The following FBP2 variants were observed in gnomAD, a reference collection of about 807,000 sequenced individuals.
FBP2 encodes fructose-1,6-bisphosphatase isozyme 2.
A neutral mutation model predicts 31.6 loss-of-function variants in FBP2; 27 were observed. The observed-to-expected ratio is 0.85, with a 90% confidence interval of 0.63 to 1.18. FBP2 has a LOEUF of 1.18. FBP2 is among the 50% of genes most tolerant of loss of function. The pLI is 0.00. For missense variants in FBP2, 421 were observed against 436.1 expected, an observed-to-expected ratio of 0.97 and a Z score of 0.31; for synonymous variants, 168 against 179.8, an observed-to-expected ratio of 0.93 and a Z score of 0.53.
At chr9:94,593,252 C>T (rs2131464266) in intron 1 of FBP2, among the ~76,000 whole-genome samples, 1 of 152,320 alleles carries the variant, frequency 6.6e-6, no homozygotes, top group African/African-American at 2.4e-5. Context: ...TCTCTCTGTG[C>T]AAGTACAAGT....
At chr9:94,570,802 C>G (rs1827260411) in intron 4 of FBP2, 1 of 152,206 alleles carries the variant, frequency 6.6e-6, no homozygotes, top group East Asian at 1.9e-4. Flanking sequence ...ACCCCTCTCT[C>G]CACACATGTG....
At position 94,560,564 on chromosome 9, in the gene FBP2, T is replaced by C. The variant is rs1364329166; in HGVS notation, c.826-1432A>G. 2.0e-5 allele frequency among the ~76,000 whole-genome samples: 3 copies of C among 152,080 alleles called. No individual in the cohort carries two copies. The East Asian group carries it at 5.8e-4, about 29-fold the overall frequency. On this transcript the variant is annotated intron_variant, in intron 6 of 6. Transcript: ENST00000375337. ...CAAAAGTTCATTCTCCATTATCACC[T>C]TACGAAATGGTTGACCCAGCTATGT...
At chr9:94,571,665 G>A in intron 3 of FBP2, 63 bp from the exon 4 acceptor site, 1 of 1,465,482 alleles carries the variant, frequency 6.8e-7, no homozygotes, top group Non-Finnish European at 9.2e-7. Context: ...ACTTTGCCAG[G>A]GGCCTGGGCT....
Position 94,567,519 on chromosome 9 carries a change from G to T in FBP2, c.568-112C>A, listed in dbSNP as rs1234620929. The T allele has an allele frequency of 3.0e-6, 4 of 1,327,868 alleles. No homozygotes were observed. The African/African-American group carries it at 4.4e-5, about 15-fold the overall frequency. 82.3% of individuals were successfully genotyped at this position (1,327,868 alleles called of 1,614,324 possible). On this transcript the variant is annotated intron_variant, in intron 4 of 6. Transcript: ENST00000375337. ...ATGGGGGCCTGCTGGCAGAGCTGGG[G>T]CTTGGCTGTGGTCACTCTGAACCTG... is the stretch of plus-strand genomic sequence containing the variant.
rs1401441072 is a variant in FBP2 at position 94,586,470 on chromosome 9, A to G, written c.333+837T>C. Among the ~76,000 whole-genome samples the G allele has an allele frequency of 4.6e-5, 7 of 152,224 alleles. No homozygotes were observed. The East Asian group carries it at 1.3e-3, about 29-fold the overall frequency. ...ATGTGGCTTAGGCCAATAGGAGAAG[A>G]CAATGGTAGATCAGACTGGAGAGAG... On this transcript the variant is annotated intron_variant, in intron 2 of 6. Transcript: ENST00000375337.
chr9:94,593,570 C>CACA lies in FBP2; in HGVS notation c.156_157insTGT (p.Ala52_Gly53insCys), dbSNP rs1827524443. The CACA allele has an allele frequency of 6.2e-7, 1 of 1,613,352 alleles. No homozygotes were observed. Among genetic ancestry groups the CACA allele is most frequent in the African/African-American group, 1.3e-5 (1 of 74,896 alleles). On this transcript the variant is annotated inframe_insertion, in exon 1 of 7. Coordinates refer to ENST00000375337, the MANE Select transcript of FBP2 (RefSeq NM_003837.4). ...CCCAGGACTCACAGGTGGGCCAGACCGGCCTTGCGCACAGCCGAGGAGATG... is the reference window on the plus strand; with the variant it reads ...CCCAGGACTCACAGGTGGGCCAGACCACAGGCCTTGCGCACAGCCGAGGAGATG...
chr9:94,585,267 T>A (rs616451), intron 2 of FBP2, among the ~76,000 whole-genome samples: 114,631 of 151,864 alleles, frequency 0.75, 43,546 homozygotes, highest in Non-Finnish European at 0.79. Flanking sequence ...TCCAATTTTT[T>A]AAAAAAAAAT....
chr9:94,572,476 C>G (rs1827279883), intron 3 of FBP2, among the ~76,000 whole-genome samples: 1 of 152,184 alleles, frequency 6.6e-6, no homozygotes, highest in South Asian at 2.1e-4. Context: ...CCCGAATGTT[C>G]TTGCCTCCAT....
intron 3 of FBP2, among the ~76,000 whole-genome samples, chr9:94,582,349 T>TGC (rs756283692): frequency 1.7e-4 from 15 of 86,416 alleles, no homozygotes; most frequent in African/African-American, 5.8e-4. Context: ...TGTGTGTGTG[T>TGC]GCGTGTGTGT....
rs1277438726 is a variant in FBP2, at chr9:94,563,414, A to T, written c.753T>A (p.Ala251=). Residue 251 remains alanine (A), a synonymous_variant, in exon 6 of 7, where the codon GCT becomes GCA. Transcript: ENST00000375337. ...YGARYVGSMV[A]DVHRTLVYGG... ...CATAGACCAGGGTGCGGTGCACGTC[A>T]GCCACCATGGAGCCCACATACCTGG... 1 of 1,614,036 alleles carries T rather than the reference A, an allele frequency of 6.2e-7. No homozygotes were observed. The highest frequency in any genetic ancestry group is 8.5e-7 in the Non-Finnish European group (1 of 1,179,932).
At position 94,571,530 on chromosome 9, in the gene FBP2, G is replaced by A. The variant is rs1827269115; in HGVS notation, c.499C>T (p.Leu167=). 1 of 1,613,948 alleles carries A rather than the reference G, an allele frequency of 6.2e-7. No individual in the cohort carries two copies. The part of the protein sequence containing the change: ...GRNIVAAGYA[L]YGSATLVALS... ...GCCACCAGGGTTGCACTACCGTACAGCGCATAACCTGCGGCCACAATATTG... is the reference window on the plus strand; with the variant it reads ...GCCACCAGGGTTGCACTACCGTACAACGCATAACCTGCGGCCACAATATTG... Residue 167 remains leucine (L), a synonymous_variant, in exon 4 of 7, where the codon CTG becomes TTG. Transcript: ENST00000375337.
At chr9:94,567,925 G>T in intron 4 of FBP2, 1 of 152,792 alleles carries the variant, frequency 6.5e-6, no homozygotes, top group Non-Finnish European at 1.5e-5. Flanking sequence ...TCAGGAGATC[G>T]AGACCATCCT....
Position 94,571,503 on chromosome 9 carries a change from G to A in FBP2, c.526C>T (p.Leu176Phe). The change falls in exon 4 of 7, where the codon CTC (leucine) becomes TTC (phenylalanine). Residue 176 changes from leucine to phenylalanine, a missense_variant. By Grantham distance (22) the Leu-to-Phe change is conservative. Coordinates refer to ENST00000375337, the MANE Select transcript of FBP2 (RefSeq NM_003837.4). ...AGGTCCACGCCTTGCCCTGTGGAGA[G>A]AGCCACCAGGGTTGCACTACCGTAC... ...ALYGSATLVALSTGQGVDLFM... is the reference protein window; with the variant it reads ...ALYGSATLVAFSTGQGVDLFM... 1 of 1,613,958 alleles carries A rather than the reference G, an allele frequency of 6.2e-7. No homozygotes were observed. Among genetic ancestry groups the A allele is most frequent in the South Asian group, 1.1e-5 (1 of 91,042 alleles).
chr9:94,588,305 A>C (rs751060136), intron 1 of FBP2, among the ~76,000 whole-genome samples: 2 of 152,114 alleles, frequency 1.3e-5, no homozygotes, highest in African/African-American at 4.8e-5. Flanking sequence ...CATCCCAAGC[A>C]GTATAAGAGA....
chr9:94,572,688 T>C (rs1035087576), intron 3 of FBP2, among the ~76,000 whole-genome samples: 8 of 152,116 alleles, frequency 5.3e-5, no homozygotes, highest in East Asian at 3.9e-4. Context: ...TCCACAGATA[T>C]TGCATTTAAT....
chr9:94,574,442 C>T (rs1827297990), intron 3 of FBP2, among the ~76,000 whole-genome samples: 1 of 151,870 alleles, frequency 6.6e-6, no homozygotes, highest in Admixed American at 6.6e-5. Flanking sequence ...TTTATTTTGA[C>T]CATTTTTATT....
At chr9:94,590,472 G>A (rs564782842) in intron 1 of FBP2, among the ~76,000 whole-genome samples, 46 of 149,656 alleles carry the variant, frequency 3.1e-4, no homozygotes, top group South Asian at 4.3e-4. Context: ...TGGTGTGTCC[G>A]GAATTGGTAG....
intron 1 of FBP2, among the ~76,000 whole-genome samples, chr9:94,591,287 C>G (rs1264045496): frequency 1.3e-5 from 2 of 152,226 alleles, no homozygotes; most frequent in Non-Finnish European, 2.9e-5. Context: ...GAGCCCTGCC[C>G]CGCGGGAAGG....
At chr9:94,592,976 TAGC>T (rs1445429731) in intron 1 of FBP2, among the ~76,000 whole-genome samples, 1 of 152,104 alleles carries the variant, frequency 6.6e-6, no homozygotes, top group Non-Finnish European at 1.5e-5. Context: ...CTCCCAGGAC[TAGC>T]ACCTCCCGGC....
Sources: gnomAD v4.1 joint callset for allele counts (sites outside exome capture counted in the v4.1 genomes callset) on GRCh38, gnomAD v4.1.1 for gene constraint, MANE v1.5 for transcripts, NCBI Gene and HGNC (gene_info 2026-07-23, HGNC 2026-07-21) for gene names.